Variants in PCCA observed in about 807,000 individuals in gnomAD.
PCCA encodes propionyl-CoA carboxylase subunit alpha, also known as propionyl-CoA carboxylase alpha chain, mitochondrial.
Under a neutral mutation model 101.3 loss-of-function variants are expected in PCCA, and 74 were observed. That is an observed-to-expected ratio of 0.73 (90% CI 0.61 to 0.89). PCCA has a LOEUF of 0.89. Among genes scored for constraint, PCCA ranks in the 40% least tolerant of loss-of-function variants. The pLI is 0.00. For missense variants in PCCA, 891 were observed against 907.0 expected, an observed-to-expected ratio of 0.98 and a Z score of 0.23; for synonymous variants, 294 against 313.6, an observed-to-expected ratio of 0.94 and a Z score of 0.66.
intron 19 of PCCA, among the ~76,000 whole-genome samples, chr13:100,409,724 A>G (rs543391488): frequency 3.2e-4 from 48 of 152,226 alleles, no homozygotes; most frequent in African/African-American, 1.1e-3. Context: ...TGTCCAAACT[A>G]TATCAGTGTG....
rs1244568221 is a variant in PCCA, at chr13:100,382,051, G to A, written c.1746+13477G>A. Among the ~76,000 whole-genome samples, 3 of 152,244 alleles carry A rather than the reference G, an allele frequency of 2.0e-5. No individual in the cohort carries two copies. The East Asian group carries it at 5.8e-4, about 29-fold the overall frequency. ...GTGTTAACAGCTCAGTTGGCCTGCTGCTGCCCTCCACCAGCGAGGGCAAAG... is the reference window on the plus strand; with the variant it reads ...GTGTTAACAGCTCAGTTGGCCTGCTACTGCCCTCCACCAGCGAGGGCAAAG... On this transcript the variant is annotated intron_variant, in intron 19 of 23. Transcript: ENST00000376285.
At chr13:100,188,957 A>G (rs527649115) in intron 6 of PCCA, among the ~76,000 whole-genome samples, 1 of 151,938 alleles carries the variant, frequency 6.6e-6, no homozygotes, top group South Asian at 2.1e-4. Flanking sequence ...TTATATAGGT[A>G]TACATGTGCC....
At chr13:100,292,476 A>C (rs901119276) in intron 12 of PCCA, among the ~76,000 whole-genome samples, 1 of 152,208 alleles carries the variant, frequency 6.6e-6, no homozygotes, top group Non-Finnish European at 1.5e-5. Flanking sequence ...TACAAATTCA[A>C]AATAGTACCT....
chr13:100,353,257 TA>T (rs1286553457), intron 18 of PCCA, among the ~76,000 whole-genome samples: 1 of 152,170 alleles, frequency 6.6e-6, no homozygotes, highest in Non-Finnish European at 1.5e-5. Flanking sequence ...CGGACAGCCC[TA>T]TAGACCAAAT....
chr13:100,479,269 G>C (rs752098094), intron 21 of PCCA, among the ~76,000 whole-genome samples: 1 of 152,216 alleles, frequency 6.6e-6, no homozygotes, highest in African/African-American at 2.4e-5. Context: ...GAATCACTGA[G>C]TGTGGCACAG....
At chr13:100,372,694 A>G (rs1033654299) in intron 19 of PCCA, among the ~76,000 whole-genome samples, 5 of 152,110 alleles carry the variant, frequency 3.3e-5, no homozygotes, top group Admixed American at 1.3e-4. Context: ...AAGGCAACCC[A>G]CAGAACGGGA....
chr13:100,472,434 G>A (rs1046613917), intron 21 of PCCA, among the ~76,000 whole-genome samples: 7 of 152,080 alleles, frequency 4.6e-5, no homozygotes, highest in East Asian at 3.9e-4. Flanking sequence ...AGGTACCTGC[G>A]TATTTTCATT....
chr13:100,097,611 C>T (rs971864215), intron 1 of PCCA, among the ~76,000 whole-genome samples: 4 of 152,144 alleles, frequency 2.6e-5, no homozygotes, highest in Non-Finnish European at 5.9e-5. Flanking sequence ...CCCAGCTACT[C>T]GGGAGGCTGA....
chr13:100,380,466 G>A (rs2076163805), intron 19 of PCCA, among the ~76,000 whole-genome samples: 3 of 152,196 alleles, frequency 2.0e-5, no homozygotes, highest in Non-Finnish European at 4.4e-5. Flanking sequence ...ATACAGTGTA[G>A]TACTTGCAAA....
At chr13:100,418,268 C>G (rs543815982) in intron 19 of PCCA, among the ~76,000 whole-genome samples, 2 of 152,208 alleles carry the variant, frequency 1.3e-5, no homozygotes, top group Non-Finnish European at 2.9e-5. Context: ...GGCTGGTGAA[C>G]GTCCCATACC....
chr13:100,302,118 CAT>C (rs1334541044), intron 13 of PCCA, among the ~76,000 whole-genome samples: 2 of 151,888 alleles, frequency 1.3e-5, no homozygotes, highest in African/African-American at 2.4e-5. Context: ...TTTAGTAAAA[CAT>C]GTACTCTTAA....
At chr13:100,376,014 A>G (rs367640550) in intron 19 of PCCA, among the ~76,000 whole-genome samples, 2 of 152,238 alleles carry the variant, frequency 1.3e-5, no homozygotes, top group African/African-American at 4.8e-5. Context: ...TGACCTTCGG[A>G]TGGGGTTTTT....
intron 21 of PCCA, among the ~76,000 whole-genome samples, chr13:100,488,473 G>A (rs2084585116): frequency 6.6e-6 from 1 of 152,068 alleles, no homozygotes; most frequent in Non-Finnish European, 1.5e-5. Context: ...TTGCACATTA[G>A]CATTTTAAAG....
intron 2 of PCCA, among the ~76,000 whole-genome samples, chr13:100,111,158 C>T (rs903523272): frequency 6.2e-5 from 9 of 145,876 alleles, no homozygotes; most frequent in African/African-American, 1.0e-4. Flanking sequence ...ATTAGAGGCG[C>T]GTACCACTAG....
At chr13:100,188,331 A>AAAAC (rs1566665257) in intron 6 of PCCA, among the ~76,000 whole-genome samples, 1 of 148,028 alleles carries the variant, frequency 6.8e-6, no homozygotes, top group Non-Finnish European at 1.5e-5. Flanking sequence ...AAACAAAAAC[A>AAAAC]CAAAGAAAGA....
chr13:100,247,961 C>G (rs2061543193), intron 8 of PCCA, among the ~76,000 whole-genome samples: 1 of 152,038 alleles, frequency 6.6e-6, no homozygotes, highest in African/African-American at 2.4e-5. Flanking sequence ...AACATAATGA[C>G]CAATTTTTGT....
chr13:100,151,598 A>C (rs1052744177), intron 4 of PCCA, among the ~76,000 whole-genome samples: 11 of 152,048 alleles, frequency 7.2e-5, no homozygotes, highest in Admixed American at 3.9e-4. Context: ...CTCAAAAAAA[A>C]AACCAAACAA....
chr13:100,502,749 G>A (rs1012662129), intron 21 of PCCA, among the ~76,000 whole-genome samples: 1 of 152,204 alleles, frequency 6.6e-6, no homozygotes. Flanking sequence ...ACTCTTAGGA[G>A]TAAAGGACAG....
intron 2 of PCCA, among the ~76,000 whole-genome samples, chr13:100,110,117 A>G (rs533441925): frequency 1.3e-5 from 2 of 152,290 alleles, no homozygotes; most frequent in Non-Finnish European, 2.9e-5. Flanking sequence ...TGGGCGACAG[A>G]GTGAGACTCC....
Sources: gnomAD v4.1 joint callset for allele counts (sites outside exome capture counted in the v4.1 genomes callset) on GRCh38, gnomAD v4.1.1 for gene constraint, MANE v1.5 for transcripts, NCBI Gene and HGNC (gene_info 2026-07-23, HGNC 2026-07-21) for gene names.